Variants in ZWILCH observed in about 807,000 individuals in gnomAD.
ZWILCH encodes the protein zwilch kinetochore protein, also known as protein zwilch homolog.
Under a neutral mutation model 79.9 loss-of-function variants are expected in ZWILCH, and 74 were observed. The observed-to-expected ratio is 0.93, with a 90% confidence interval of 0.77 to 1.12. The LOEUF (loss-of-function observed/expected upper bound fraction) is 1.12, where lower values mean the gene tolerates loss of function less well. ZWILCH is among the 50% of genes most tolerant of loss of function. The probability of loss-of-function intolerance (pLI) is 0.00; values close to 1 mark genes in which losing one functional copy is unlikely to be tolerated. For synonymous variants in ZWILCH, 241 were observed against 228.2 expected (o/e 1.06, Z -0.51); for missense variants, 694 against 687.5 (o/e 1.01, Z -0.11).
intron 2 of ZWILCH, among the ~76,000 whole-genome samples, chr15:66,512,578 TG>T (rs1251739699): frequency 6.6e-6 from 1 of 151,950 alleles, no homozygotes; most frequent in African/African-American, 2.4e-5. Context: ...GTTATATGCT[TG>T]GAAAAGGAAC....
intron 18 of ZWILCH, chr15:66,547,178 GA>G (rs1224768487): frequency 6.7e-6 from 1 of 148,376 alleles, no homozygotes; most frequent in Non-Finnish European, 1.5e-5. Context: ...AGAATTAATG[GA>G]ATGACATTTT....
At chr15:66,536,182 C>A in intron 15 of ZWILCH, 113 bp downstream of exon 15, 1 of 918,544 alleles carries the variant, frequency 1.1e-6, no homozygotes, top group Non-Finnish European at 1.6e-6. Context: ...TTCATCCTGT[C>A]TTTACAGTAG....
At chr15:66,514,661 C>T (rs1894190542) in intron 3 of ZWILCH, 1 of 152,574 alleles carries the variant, frequency 6.6e-6, no homozygotes, top group Non-Finnish European at 1.5e-5. Flanking sequence ...TATGTAGATT[C>T]TTGCAGTCAC....
intron 7 of ZWILCH, 27 bp downstream of exon 7, chr15:66,521,232 G>C (rs376898637): frequency 3.1e-6 from 5 of 1,601,988 alleles, no homozygotes; most frequent in Non-Finnish European, 4.2e-6. Flanking sequence ...TTTCCTTTTC[G>C]GGTTCATGAG....
intron 1 of ZWILCH, among the ~76,000 whole-genome samples, chr15:66,506,344 A>G (rs546624005): frequency 3.3e-5 from 5 of 152,270 alleles, no homozygotes; most frequent in African/African-American, 1.2e-4. Context: ...TAGCTGCTAT[A>G]TAGTATTTCA....
chr15:66,523,494 A>AAGAT, intron 7 of ZWILCH, 183 bp from the exon 8 acceptor site: 1 of 523,606 alleles, frequency 1.9e-6, no homozygotes, highest in Non-Finnish European at 3.4e-6. Flanking sequence ...TTATTGGGTC[A>AAGAT]AGATGGCAAA....
At chr15:66,547,788 C>G (rs73474172) in intron 18 of ZWILCH, 2 of 152,082 alleles carry the variant, frequency 1.3e-5, no homozygotes, top group South Asian at 2.1e-4. Flanking sequence ...CTATAGATTT[C>G]TTTTCTTTTC....
intron 10 of ZWILCH, among the ~76,000 whole-genome samples, chr15:66,528,618 TGGAG>T (rs1894757302): frequency 4.6e-5 from 7 of 152,054 alleles, no homozygotes; most frequent in Admixed American, 4.6e-4. Context: ...TTTTTTTACA[TGGAG>T]GGAAAGCTGA....
chr15:66,525,741 T>A (rs1894646660), intron 8 of ZWILCH, among the ~76,000 whole-genome samples: 2 of 151,258 alleles, frequency 1.3e-5, no homozygotes, highest in Non-Finnish European at 2.9e-5. Flanking sequence ...CAACAAAAAT[T>A]ATATTCACAT....
intron 15 of ZWILCH, among the ~76,000 whole-genome samples, 178 bp downstream of exon 15, chr15:66,536,247 A>C (rs1334240346): frequency 3.3e-5 from 5 of 152,186 alleles, no homozygotes; most frequent in Non-Finnish European, 1.5e-5. Flanking sequence ...ATTCAAAAGG[A>C]ATCAGATTTG....
Position 66,521,064 on chromosome 15 carries a change from C to G in ZWILCH, c.606C>G (p.Gly202=). ...ACTCTTTTCAGGTAACATCCAAAGG[C>G]TTTGCCCAGTATGAGCTCTTTAAGT... ...RHHLSTVTSK[G]FAQYELFKSS... Residue 202 remains glycine, a synonymous_variant, in exon 7 of 19, where the codon GGC becomes GGG. Coordinates refer to ENST00000307897, the MANE Select transcript of ZWILCH (RefSeq NM_017975.5). The G allele has an allele frequency of 6.2e-7, 1 of 1,614,128 alleles. No individual in the cohort carries two copies. Among genetic ancestry groups the G allele is most frequent in the Non-Finnish European group, 8.5e-7 (1 of 1,180,026 alleles).
chr15:66,526,091 C>T (rs1034288704), intron 8 of ZWILCH, among the ~76,000 whole-genome samples: 3 of 152,094 alleles, frequency 2.0e-5, no homozygotes, highest in African/African-American at 7.2e-5. Context: ...AAGACCTCCC[C>T]CCGGGAGTGG....
chr15:66,505,785 A>G (rs973210498), intron 1 of ZWILCH: 6 of 242,036 alleles, frequency 2.5e-5, no homozygotes, highest in African/African-American at 9.4e-5. Context: ...GTTAATCTCT[A>G]TTATTCGAGG....
rs141379378 is a variant in ZWILCH at position 66,520,100 on chromosome 15, G to A, written c.521-490G>A. On this transcript the variant is annotated intron_variant, in intron 5 of 18. Coordinates refer to ENST00000307897, the MANE Select transcript of ZWILCH (RefSeq NM_017975.5). ...TGGCATTACAGGCAAGTGCTGCTGCGCCTGGCTGTTACACTTAAATTCTTA... is the reference window on the plus strand; with the variant it reads ...TGGCATTACAGGCAAGTGCTGCTGCACCTGGCTGTTACACTTAAATTCTTA... 2.9e-3 allele frequency among the ~76,000 whole-genome samples: 440 copies of A among 151,214 alleles called. 2 individuals carry two copies. Among genetic ancestry groups the A allele is most frequent in the African/African-American group, 0.01 (425 of 41,124 alleles).
chr15:66,505,613 A>G (rs1031734335), intron 1 of ZWILCH: 2 of 566,016 alleles, frequency 3.5e-6, no homozygotes, highest in Non-Finnish European at 6.1e-6. Context: ...ATCAAACGAG[A>G]TGGAAGGTGG....
At chr15:66,540,041 A>G in intron 16 of ZWILCH, 57 bp from the exon 17 acceptor site, 2 of 1,215,710 alleles carry the variant, frequency 1.6e-6, no homozygotes, top group East Asian at 2.4e-5. Flanking sequence ...TGTAGAGGGA[A>G]GGAAGTAAAT....
chr15:66,540,147 A>T lies in ZWILCH; in HGVS notation c.1624A>T (p.Ile542Phe). 1 of 1,613,830 alleles carries T rather than the reference A, an allele frequency of 6.2e-7. No homozygotes were observed. Among genetic ancestry groups the T allele is most frequent in the South Asian group, 1.1e-5 (1 of 91,060 alleles). The change falls in exon 17 of 19, where the codon ATT becomes TTT. Residue 542 changes from isoleucine (I) to phenylalanine (F), a missense_variant. Ile to Phe is a conservative substitution (Grantham distance 21). Coordinates refer to ENST00000307897, the MANE Select transcript of ZWILCH (RefSeq NM_017975.5). ...RVEIYSGQKK[I>F]KTVWQLSDSS... ...GGAAATATATAGTGGTCAAAAGAAG[A>T]TTAAGACAGTTTGGCAACTGAGTGA...
chr15:66,545,190 TAAAAATAC>T (rs985322809), intron 17 of ZWILCH, among the ~76,000 whole-genome samples: 2 of 151,534 alleles, frequency 1.3e-5, no homozygotes, highest in Non-Finnish European at 2.9e-5. Context: ...CTGTCTCTAC[TAAAAATAC>T]AAAAAATTAG....
chr15:66,537,404 A>G (rs1895049847), intron 16 of ZWILCH, 141 bp downstream of exon 16: 3 of 545,042 alleles, frequency 5.5e-6, no homozygotes, highest in Admixed American at 6.6e-5. Context: ...TTAAAAAATA[A>G]TAATAGCTGG....
Sources: allele counts gnomAD v4.1 joint callset (sites outside exome capture counted in the v4.1 genomes callset), GRCh38; gene constraint gnomAD v4.1.1; transcripts MANE v1.5; gene names NCBI Gene and HGNC (gene_info 2026-07-23, HGNC 2026-07-21).